Variants in PSKH2 observed in about 807,000 individuals in gnomAD.
The protein encoded by PSKH2 is protein serine kinase H2.
Under a neutral mutation model 22.5 loss-of-function variants are expected in PSKH2, and 16 were observed. The observed-to-expected ratio is 0.71, with a 90% CI of 0.48 to 1.08. PSKH2 has a LOEUF of 1.08. Among genes scored for constraint, PSKH2 ranks in the 50% least tolerant of loss-of-function variants. The pLI, the probability that PSKH2 is intolerant of heterozygous loss-of-function variation, is 0.00. For synonymous variants in PSKH2, 188 were observed against 184.8 expected (o/e 1.02, Z -0.14); for missense variants, 516 against 492.8 (o/e 1.05, Z -0.44).
intron 2 of PSKH2, among the ~76,000 whole-genome samples, chr8:86,057,682 T>G (rs558879706): frequency 6.6e-6 from 1 of 152,250 alleles, no homozygotes; most frequent in South Asian, 2.1e-4. Context: ...GAGCCACCAT[T>G]CCTGGCCTAA....
At chr8:86,054,244 A>T (rs1020059120) in intron 2 of PSKH2, among the ~76,000 whole-genome samples, 1 of 152,100 alleles carries the variant, frequency 6.6e-6, no homozygotes, top group Non-Finnish European at 1.5e-5. Flanking sequence ...ATTTTTAAAA[A>T]TAAATAAATA....
chr8:86,061,489 C>G (rs1455329226), intron 2 of PSKH2, among the ~76,000 whole-genome samples: 6 of 152,010 alleles, frequency 3.9e-5, no homozygotes, highest in Non-Finnish European at 2.9e-5. Flanking sequence ...ACTCAGTAGC[C>G]AATAGAATGA....
chr8:86,069,745 G>C, upstream of PSKH2: 1 of 1,184,646 alleles, frequency 8.4e-7, no homozygotes, highest in Non-Finnish European at 1.1e-6. Context: ...CCCCACTGGG[G>C]GGTCGTGGTC....
chr8:86,069,373 G>C (rs1817910866), intron 1 of PSKH2, 65 bp downstream of exon 1: 2 of 1,424,724 alleles, frequency 1.4e-6, no homozygotes, highest in Admixed American at 2.6e-5. Context: ...ACCTCGAGGC[G>C]GTCTTGGCCA....
intron 2 of PSKH2, among the ~76,000 whole-genome samples, chr8:86,052,388 C>G (rs978969021): frequency 1.2e-4 from 18 of 152,198 alleles, no homozygotes; most frequent in Non-Finnish European, 2.4e-4. Context: ...GTGGAAAAAG[C>G]ATGAAGTCCT....
Position 86,064,292 on chromosome 8 carries a change from A to G in PSKH2, c.525T>C (p.His175=), listed in dbSNP as rs2130167979. 1 of 1,614,024 alleles carries G rather than the reference A, an allele frequency of 6.2e-7. No homozygotes were observed. The highest frequency in any genetic ancestry group is 8.5e-7 in the Non-Finnish European group (1 of 1,179,906). Residue 175 remains histidine (H), a synonymous_variant, in exon 2 of 3, where the codon CAT becomes CAC. Transcript: ENST00000276616. ...QMVADGIRYL[H]ALQITHRNLK... is the part of the protein sequence containing the mutation. ...GATTCCTATGAGTTATCTGCAGCGC[A>G]TGCAAATACCTAATCCCATCAGCAA...
chr8:86,051,092 G>GTCTCATTGTGT (rs1817624052), intron 2 of PSKH2, among the ~76,000 whole-genome samples: 1 of 150,508 alleles, frequency 6.6e-6, no homozygotes, highest in African/African-American at 2.5e-5. Context: ...TTGAAATGGT[G>GTCTCATTGTGT]TCTCATTGTG....
Position 86,064,326 on chromosome 8 carries a change from A to C in PSKH2, c.491T>G (p.Leu164Arg), listed in dbSNP as rs1177926838. 1 of 1,614,134 alleles carries C rather than the reference A, an allele frequency of 6.2e-7. No individual in the cohort carries two copies. Among genetic ancestry groups the C allele is most frequent in the Admixed American group, 1.7e-5 (1 of 60,014 alleles). ...CCTAATCCCATCAGCAACCATCTGGAGGATCCTGACGGCATCCCGCTCTGT... is the reference window on the plus strand; with the variant it reads ...CCTAATCCCATCAGCAACCATCTGGCGGATCCTGACGGCATCCCGCTCTGT... ...SFTERDAVRI[L>R]QMVADGIRYL... is the part of the protein sequence containing the mutation. Residue 164 changes from leucine (L) to arginine (R), a missense_variant, in exon 2 of 3, where the codon CTC becomes CGC. Leu to Arg is a moderately radical substitution (Grantham distance 102). Transcript: ENST00000276616.
At chr8:86,054,698 G>C (rs944197119) in intron 2 of PSKH2, among the ~76,000 whole-genome samples, 1 of 152,162 alleles carries the variant, frequency 6.6e-6, no homozygotes, top group Non-Finnish European at 1.5e-5. Flanking sequence ...ATTCTGGGAA[G>C]AGTGAACACA....
intron 2 of PSKH2, among the ~76,000 whole-genome samples, chr8:86,059,506 C>A (rs2130158824): frequency 6.6e-6 from 1 of 152,222 alleles, no homozygotes; most frequent in South Asian, 2.1e-4. Flanking sequence ...TATTCCTTGC[C>A]TCATGACCCC....
At chr8:86,068,649 G>A (rs1289849076) in intron 1 of PSKH2, among the ~76,000 whole-genome samples, 1 of 152,160 alleles carries the variant, frequency 6.6e-6, no homozygotes, top group Non-Finnish European at 1.5e-5. Flanking sequence ...TAGAAGATAT[G>A]GAACTGGACC....
intron 2 of PSKH2, among the ~76,000 whole-genome samples, chr8:86,053,728 C>T (rs977673651): frequency 2.0e-5 from 3 of 151,932 alleles, no homozygotes; most frequent in Admixed American, 6.6e-5. Flanking sequence ...GCATAAATGC[C>T]CACAAAAAAT....
At chr8:86,055,849 C>G (rs1208466296) in intron 2 of PSKH2, among the ~76,000 whole-genome samples, 1 of 152,078 alleles carries the variant, frequency 6.6e-6, no homozygotes, top group African/African-American at 2.4e-5. Flanking sequence ...CATGTTACTT[C>G]TAAAAGAGAA....
intron 2 of PSKH2, among the ~76,000 whole-genome samples, chr8:86,055,970 A>G (rs930717733): frequency 9.8e-6 from 1 of 102,012 alleles, no homozygotes; most frequent in Non-Finnish European, 2.2e-5. Flanking sequence ...ATACATATAT[A>G]TGTGTGTGTC....
Position 86,064,282 on chromosome 8 carries a change from T to C in PSKH2, c.535A>G (p.Ile179Val), listed in dbSNP as rs933338980. ...TCAGGCTTTAGATTCCTATGAGTTA[T>C]CTGCAGCGCATGCAAATACCTAATC... Reference protein sequence around the residue: ...DGIRYLHALQITHRNLKPENL... With the variant: ...DGIRYLHALQVTHRNLKPENL... Residue 179 changes from isoleucine (I) to valine (V), a missense_variant, in exon 2 of 3, where the codon ATA becomes GTA. By Grantham distance (29) the Ile-to-Val change is conservative. Coordinates refer to ENST00000276616, the MANE Select transcript of PSKH2 (RefSeq NM_033126.3). 1.1e-5 allele frequency: 18 copies of C among 1,614,186 alleles called. No homozygotes were observed. Among genetic ancestry groups the C allele is most frequent in the Non-Finnish European group, 1.5e-5 (18 of 1,180,044 alleles).
chr8:86,054,297 A>T (rs891786217), intron 2 of PSKH2, among the ~76,000 whole-genome samples: 2 of 152,212 alleles, frequency 1.3e-5, no homozygotes, highest in Non-Finnish European at 2.9e-5. Flanking sequence ...TCATTGTCAC[A>T]TTTATCTCCA....
upstream of PSKH2, chr8:86,069,740 C>G: frequency 8.2e-7 from 1 of 1,220,740 alleles, no homozygotes; most frequent in South Asian, 1.8e-5. Context: ...AGAAACCCCA[C>G]TGGGGGGTCG....
chr8:86,059,083 G>A (rs1817743077), intron 2 of PSKH2, among the ~76,000 whole-genome samples: 4 of 152,080 alleles, frequency 2.6e-5, no homozygotes, highest in Admixed American at 1.3e-4. Flanking sequence ...GGGACTACAG[G>A]CACACATCAC....
At chr8:86,058,584 T>C (rs1315432974) in intron 2 of PSKH2, among the ~76,000 whole-genome samples, 2 of 152,242 alleles carry the variant, frequency 1.3e-5, no homozygotes, top group East Asian at 3.8e-4. Context: ...AATATGGTAG[T>C]ATCCCTGCCT....
Sources: gnomAD v4.1 joint callset for allele counts (sites outside exome capture counted in the v4.1 genomes callset) on GRCh38, gnomAD v4.1.1 for gene constraint, MANE v1.5 for transcripts, NCBI Gene and HGNC (gene_info 2026-07-23, HGNC 2026-07-21) for gene names.